DCAF11: variants seen among roughly 807,000 people sequenced by gnomAD.
DCAF11 encodes the protein DDB1- and CUL4-associated factor 11.
In DCAF11, 44 loss-of-function variants were observed where a neutral mutation model predicts 76.1. The observed-to-expected ratio is 0.58, with a 90% CI of 0.45 to 0.74. DCAF11 has a LOEUF of 0.74. Among genes scored for constraint, DCAF11 ranks in the 30% least tolerant of loss-of-function variants. The probability of loss-of-function intolerance (pLI) is 0.00; values close to 1 mark genes in which losing one functional copy is unlikely to be tolerated. For missense variants in DCAF11, 604 were observed against 709.4 expected (o/e 0.85, Z 1.69); for synonymous variants, 258 against 255.0 (o/e 1.01, Z -0.11).
At chr14:24,121,699 G>A (rs997350965) in intron 13 of DCAF11, 182 bp downstream of exon 13, 5 of 666,282 alleles carry the variant, frequency 7.5e-6, no homozygotes, top group Non-Finnish European at 1.2e-5. Flanking sequence ...TTTAAATTAA[G>A]AAAAGGAACA....
chr14:24,121,004 G>A lies in DCAF11; in HGVS notation c.1246+13G>A. 1 of 1,613,910 alleles carries A rather than the reference G, an allele frequency of 6.2e-7. No individual in the cohort carries two copies. The highest frequency in any genetic ancestry group is 8.5e-7 in the Non-Finnish European group (1 of 1,179,916). ...GTGCCCAAAAAAGGTGAGACTGGAA[G>A]TACAGGCACAGTGGATTTGTCTGTA... On this transcript the variant is annotated intron_variant, in intron 12 of 14. Coordinates refer to ENST00000446197, the MANE Select transcript of DCAF11 (RefSeq NM_025230.5).
chr14:24,123,136 G>A (rs755188440), intron 14 of DCAF11, 39 bp from the exon 15 acceptor site: 1 of 1,614,048 alleles, frequency 6.2e-7, no homozygotes, highest in Admixed American at 1.7e-5. Context: ...TTGGGTGGGG[G>A]CAGCACATCC....
At chr14:24,120,749 C>G (rs888014431) in intron 11 of DCAF11, 89 bp from the exon 12 acceptor site, 23 of 1,516,802 alleles carry the variant, frequency 1.5e-5, no homozygotes, top group South Asian at 8.6e-5. Context: ...GGCCAGAGTT[C>G]TTCTGCTCAA....
intron 12 of DCAF11, 83 bp downstream of exon 12, chr14:24,121,074 G>A: frequency 6.5e-7 from 1 of 1,540,582 alleles, no homozygotes; most frequent in Non-Finnish European, 8.8e-7. Context: ...TCTTTGCCAG[G>A]CATTAACTCT....
At chr14:24,119,075 T>C in intron 8 of DCAF11, 70 bp from the exon 9 acceptor site, 1 of 1,596,654 alleles carries the variant, frequency 6.3e-7, no homozygotes, top group Non-Finnish European at 8.6e-7. Flanking sequence ...CTTACAACCG[T>C]TGTCAGATTT....
chr14:24,117,141 T>C lies in DCAF11; in HGVS notation c.283+97T>C. On this transcript the variant is annotated intron_variant, in intron 3 of 14. Coordinates refer to ENST00000446197, the MANE Select transcript of DCAF11 (RefSeq NM_025230.5). This position sits in a 1 kb window ranked among gnomAD's most constrained non-coding sequence, Gnocchi z 4.3. ...TTACATTGAAAGAAGGTACGATAAT[T>C]TAAGGAATAAGGAGTCCTTACAGCC... The C allele has an allele frequency of 6.2e-7, 1 of 1,608,234 alleles. No individual in the cohort carries two copies. The highest frequency in any genetic ancestry group is 8.5e-7 in the Non-Finnish European group (1 of 1,176,412).
Position 24,118,045 on chromosome 14 carries a change from C to T in DCAF11, c.477-10C>T. ...CACCCCTCACCCTCACTTTCTCTCT[C>T]CTTCCCTAGCTTCTTGCCCAATGAT... is the stretch of plus-strand genomic sequence containing the variant. On this transcript the variant is annotated splice_polypyrimidine_tract_variant and intron_variant, in intron 5 of 14. Coordinates refer to ENST00000446197, the MANE Select transcript of DCAF11 (RefSeq NM_025230.5). 1.9e-6 allele frequency: 3 copies of T among 1,598,338 alleles called. No individual in the cohort carries two copies. Among genetic ancestry groups the T allele is most frequent in the Non-Finnish European group, 2.6e-6 (3 of 1,170,968 alleles).
At chr14:24,118,209 C>T in intron 6 of DCAF11, 54 bp downstream of exon 6, 1 of 1,575,682 alleles carries the variant, frequency 6.3e-7, no homozygotes, top group Non-Finnish European at 8.7e-7. Context: ...GGACATTCCC[C>T]CTGACTGAGG....
chr14:24,115,825 C>G, intron 2 of DCAF11, 76 bp downstream of exon 2: 1 of 1,543,174 alleles, frequency 6.5e-7, no homozygotes, highest in Non-Finnish European at 8.8e-7. Context: ...AGGAAAATTA[C>G]AGAGGTTAGG....
At position 24,118,754 on chromosome 14, in the gene DCAF11, T is replaced by C; in HGVS notation, c.729T>C (p.His243=). ...TGTTTTTCTTGCTTCTCTTAGTTCA[T>C]ATCTGCAATATCTATGGTGAGGGAG... ...FLYSSWSDYI[H]ICNIYGEGDT... Residue 243 remains histidine, a synonymous_variant, in exon 8 of 15, where the codon CAT becomes CAC. Transcript: ENST00000446197. 6.2e-7 allele frequency: 1 copy of C among 1,614,130 alleles called. No individual in the cohort carries two copies. Among genetic ancestry groups the C allele is most frequent in the Non-Finnish European group, 8.5e-7 (1 of 1,180,008 alleles).
chr14:24,121,838 AG>A, intron 13 of DCAF11: 2 of 285,578 alleles, frequency 7.0e-6, no homozygotes, highest in Non-Finnish European at 1.3e-5. Flanking sequence ...GGAAGATGGT[AG>A]CAAGTAGTTA....
intron 13 of DCAF11, among the ~76,000 whole-genome samples, chr14:24,122,524 C>A (rs968303854): frequency 8.7e-5 from 13 of 149,952 alleles, no homozygotes; most frequent in African/African-American, 1.5e-4. Flanking sequence ...AAAAAAAAAA[C>A]CAGAAGCACA....
In DCAF11 at chr14:24,123,553, ATT is replaced by A; in HGVS notation, c.*245_*246del. 2.1e-6 allele frequency: 1 copy of A among 484,426 alleles called. No individual in the cohort carries two copies. The highest frequency in any genetic ancestry group is 3.4e-6 in the Non-Finnish European group (1 of 293,900). The allele number at this position is 484,426 out of a possible 1,614,324, so 30.0% of individuals were successfully genotyped here. On this transcript the variant is annotated 3_prime_UTR_variant, in exon 15 of 15. Coordinates refer to ENST00000446197, the MANE Select transcript of DCAF11 (RefSeq NM_025230.5). Reference sequence around the variant, plus strand: ...CTGGCCAGAGTTTGGCAGGACTGCCATTATCTGGGGTGTGGCCTCTGCCAGCA... The same window carrying A: ...CTGGCCAGAGTTTGGCAGGACTGCCAATCTGGGGTGTGGCCTCTGCCAGCA...
intron 2 of DCAF11, among the ~76,000 whole-genome samples, chr14:24,116,308 T>C (rs2037562568): frequency 6.6e-6 from 1 of 152,214 alleles, no homozygotes; most frequent in Non-Finnish European, 1.5e-5. Context: ...GAAGATGGGT[T>C]TGGGGGTCCC....
rs2037538308 is a variant in DCAF11, at chr14:24,115,736, T to C, written c.142T>C (p.Tyr48His). ...EDVDLAQVLA[Y>H]LLRRGQVRLV... ...TGTGGATCTGGCCCAGGTACTGGCC[T>C]ATCTCCTCCGCAGGTAACTTACCCT... Residue 48 changes from tyrosine (Y) to histidine (H), a missense_variant, in exon 2 of 15, where the codon TAT becomes CAT. By Grantham distance (83) the Tyr-to-His change is moderately conservative. Transcript: ENST00000446197. 1 of 1,612,812 alleles carries C rather than the reference T, an allele frequency of 6.2e-7. No homozygotes were observed. The highest frequency in any genetic ancestry group is 1.3e-5 in the African/African-American group (1 of 74,914).
chr14:24,123,105 G>A (rs761251463), intron 14 of DCAF11, 28 bp downstream of exon 14: 4 of 1,613,974 alleles, frequency 2.5e-6, no homozygotes, highest in South Asian at 1.1e-5. Context: ...GAGGGTGCTG[G>A]CACATGTCTG....
At chr14:24,120,246 TAAA>T (rs1223791114) in intron 11 of DCAF11, among the ~76,000 whole-genome samples, 2 of 144,218 alleles carry the variant, frequency 1.4e-5, no homozygotes, top group South Asian at 2.2e-4. Context: ...TCTATTTATT[TAAA>T]AAAAAAAACA....
intron 11 of DCAF11, among the ~76,000 whole-genome samples, chr14:24,120,308 G>C (rs1242172408): frequency 6.6e-6 from 1 of 151,630 alleles, no homozygotes; most frequent in African/African-American, 2.4e-5. Context: ...TGTAATCCCA[G>C]CACTTTGGGA....
Position 24,117,927 on chromosome 14 carries a change from C to T in DCAF11, c.477-128C>T, listed in dbSNP as rs942448198. 3.1e-5 allele frequency: 27 copies of T among 877,690 alleles called. No individual in the cohort carries two copies. The highest frequency in any genetic ancestry group is 1.0e-4 in the African/African-American group (6 of 59,264). 54.4% of individuals were successfully genotyped at this position (877,690 alleles called of 1,614,324 possible). ...AGAGGATGGTGGAATGGTTGAAAGA[C>T]GGGATTGCACTCACAGCCAAAAGGG... is the stretch of plus-strand genomic sequence containing the variant. On this transcript the variant is annotated intron_variant, in intron 5 of 14. Transcript: ENST00000446197. The surrounding 1 kb of genome is among the most constrained non-coding windows in gnomAD (Gnocchi z 4.3).
Sources: allele counts gnomAD v4.1 joint callset (sites outside exome capture counted in the v4.1 genomes callset), GRCh38; gene constraint gnomAD v4.1.1; non-coding constraint Gnocchi (gnomAD v3.1); transcripts MANE v1.5; gene names NCBI Gene and HGNC (gene_info 2026-07-23, HGNC 2026-07-21).